The following PDE4D variants were observed in gnomAD, a reference collection of about 807,000 sequenced individuals.
The protein encoded by PDE4D is phosphodiesterase 4D, also known as 3',5'-cyclic-AMP phosphodiesterase 4D.
In PDE4D, 24 loss-of-function variants were observed where a neutral mutation model predicts 87.4. The ratio of observed to expected loss-of-function variants is 0.27; its 90% CI spans 0.20 to 0.39. The LOEUF is 0.39. Among genes scored for constraint, PDE4D ranks in the 10% least tolerant of loss-of-function variants. PDE4D has a pLI of 1.00. For missense variants in PDE4D, 714 were observed against 1,041.0 expected (o/e 0.69, Z 4.32); for synonymous variants, 384 against 383.2 (o/e 1.00, Z -0.02).
intron 1 of PDE4D, among the ~76,000 whole-genome samples, chr5:59,509,236 C>T (rs772295179): frequency 1.3e-5 from 2 of 151,794 alleles, no homozygotes; most frequent in African/African-American, 2.4e-5. Flanking sequence ...AAGGTAGTAT[C>T]GTATTTAAAG....
chr5:59,619,332 C>A (rs1054170038), intron 1 of PDE4D, among the ~76,000 whole-genome samples: 2 of 151,994 alleles, frequency 1.3e-5, no homozygotes, highest in Non-Finnish European at 2.9e-5. Context: ...GCAGACATAT[C>A]TAAAATATAA....
intron 5 of PDE4D, among the ~76,000 whole-genome samples, chr5:59,075,847 T>C (rs188407192): frequency 6.7e-6 from 1 of 149,804 alleles, no homozygotes; most frequent in East Asian, 1.9e-4. Flanking sequence ...TAAATATCCA[T>C]TTTTTTTAAA....
intron 1 of PDE4D, among the ~76,000 whole-genome samples, chr5:59,284,362 A>G (rs932173466): frequency 1.1e-4 from 17 of 152,142 alleles, no homozygotes; most frequent in African/African-American, 3.9e-4. Context: ...TGGAGGCCCA[A>G]ATAGAAACCT....
intron 3 of PDE4D, among the ~76,000 whole-genome samples, chr5:59,913,102 A>C (rs2152771720): frequency 6.6e-6 from 1 of 152,144 alleles, no homozygotes; most frequent in Non-Finnish European, 1.5e-5. Context: ...ATGGTAAGCC[A>C]TTACAGGGAA....
chr5:60,163,775 T>G (rs533251701), intron 2 of PDE4D, among the ~76,000 whole-genome samples: 14 of 152,262 alleles, frequency 9.2e-5, no homozygotes, highest in African/African-American at 3.4e-4. Flanking sequence ...CAACCTCCCC[T>G]ACCACGCCAA....
At chr5:59,492,046 A>G (rs1187135518) in intron 1 of PDE4D, among the ~76,000 whole-genome samples, 5 of 152,182 alleles carry the variant, frequency 3.3e-5, no homozygotes, top group Non-Finnish European at 5.9e-5. Flanking sequence ...TCTACTGCAC[A>G]CAGGTGTTGA....
intron 1 of PDE4D, among the ~76,000 whole-genome samples, chr5:59,871,750 T>A (rs545821341): frequency 1.3e-5 from 2 of 152,118 alleles, no homozygotes; most frequent in Non-Finnish European, 2.9e-5. Flanking sequence ...ACCCTCAAAT[T>A]TACTTCATCT....
chr5:59,111,842 T>C (rs1772701712), intron 5 of PDE4D, among the ~76,000 whole-genome samples: 1 of 152,230 alleles, frequency 6.6e-6, no homozygotes, highest in Non-Finnish European at 1.5e-5. Flanking sequence ...AATTCATTTA[T>C]TCAAGAATGT....
intron 1 of PDE4D, among the ~76,000 whole-genome samples, chr5:59,614,128 G>A (rs768233306): frequency 6.6e-6 from 1 of 152,148 alleles, no homozygotes; most frequent in Non-Finnish European, 1.5e-5. Flanking sequence ...CATAATTTAA[G>A]TAAGTTCTGA....
chr5:59,453,286 C>T (rs1279685771), intron 1 of PDE4D, among the ~76,000 whole-genome samples: 1 of 152,116 alleles, frequency 6.6e-6, no homozygotes, highest in East Asian at 1.9e-4. Flanking sequence ...CCCTGAGACA[C>T]AGCAATATTG....
chr5:59,721,752 G>C (rs1755862316), intron 1 of PDE4D, among the ~76,000 whole-genome samples: 1 of 152,122 alleles, frequency 6.6e-6, no homozygotes, highest in South Asian at 2.1e-4. Context: ...CTGCATAAAA[G>C]ATGCTACTAT....
At chr5:59,552,725 TGGA>T (rs1818326870) in intron 1 of PDE4D, among the ~76,000 whole-genome samples, 1 of 152,186 alleles carries the variant, frequency 6.6e-6, no homozygotes, top group Non-Finnish European at 1.5e-5. Flanking sequence ...ATTAATATGA[TGGA>T]TTCTGTGACC....
intron 2 of PDE4D, among the ~76,000 whole-genome samples, chr5:60,155,584 C>T (rs943616043): frequency 2.0e-5 from 3 of 152,152 alleles, no homozygotes; most frequent in African/African-American, 7.2e-5. Flanking sequence ...TTGAAATTCA[C>T]TTGACAGATA....
At chr5:60,065,625 C>G (rs1035212630) in intron 2 of PDE4D, among the ~76,000 whole-genome samples, 4 of 151,982 alleles carry the variant, frequency 2.6e-5, no homozygotes, top group African/African-American at 9.7e-5. Flanking sequence ...GTGTGATGTT[C>G]CCCTTCCTGT....
At chr5:59,265,797 T>G (rs1261098062) in intron 1 of PDE4D, among the ~76,000 whole-genome samples, 1 of 152,054 alleles carries the variant, frequency 6.6e-6, no homozygotes. Context: ...CTGTCTAGGA[T>G]TCATCATGAG....
chr5:59,804,169 C>A (rs566530452), intron 1 of PDE4D, among the ~76,000 whole-genome samples: 1 of 152,254 alleles, frequency 6.6e-6, no homozygotes, highest in Non-Finnish European at 1.5e-5. Flanking sequence ...TCTTTTATTT[C>A]TCAACTTCTC....
chr5:60,440,838 G>A (rs1745148700), intron 1 of PDE4D, among the ~76,000 whole-genome samples: 1 of 151,876 alleles, frequency 6.6e-6, no homozygotes, highest in Non-Finnish European at 1.5e-5. Flanking sequence ...TTTTCACCGA[G>A]GCAACTAAAG....
intron 1 of PDE4D, among the ~76,000 whole-genome samples, chr5:59,497,108 T>G (rs1807364155): frequency 6.6e-6 from 1 of 152,032 alleles, no homozygotes; most frequent in Non-Finnish European, 1.5e-5. Flanking sequence ...CACTCAGAAA[T>G]GAAGCTGATC....
At chr5:59,334,786 A>G (rs1228159734) in intron 1 of PDE4D, among the ~76,000 whole-genome samples, 1 of 152,150 alleles carries the variant, frequency 6.6e-6, no homozygotes, top group Non-Finnish European at 1.5e-5. Flanking sequence ...CCTAAAAAAA[A>G]AAATCATTTT....
Sources: gnomAD v4.1 joint callset for allele counts (sites outside exome capture counted in the v4.1 genomes callset) on GRCh38, gnomAD v4.1.1 for gene constraint, MANE v1.5 for transcripts, NCBI Gene and HGNC (gene_info 2026-07-23, HGNC 2026-07-21) for gene names.